The following MAP3K4 variants were observed in gnomAD, a reference collection of about 807,000 sequenced individuals.
MAP3K4 encodes MAP three kinase 1.
Under a neutral mutation model 185.6 loss-of-function variants are expected in MAP3K4, and 67 were observed. The ratio of observed to expected loss-of-function variants is 0.36; its 90% CI spans 0.30 to 0.44. The LOEUF (loss-of-function observed/expected upper bound fraction) is 0.44, where lower values mean the gene tolerates loss of function less well. Ranked by LOEUF, MAP3K4 falls within the 20% of genes least tolerant of loss-of-function variation. The pLI is 1.00. For synonymous variants in MAP3K4, 702 were observed against 710.4 expected (o/e 0.99, Z 0.19); for missense variants, 1,551 against 1,995.1 (o/e 0.78, Z 4.24).
intron 15 of MAP3K4, among the ~76,000 whole-genome samples, chr6:161,096,000 A>C (rs990175363): frequency 6.6e-6 from 1 of 151,922 alleles, no homozygotes; most frequent in African/African-American, 2.4e-5. Context: ...GACTCACCAA[A>C]TCTTTTGTTT....
Position 161,074,915 on chromosome 6 carries a change from GCA to G in MAP3K4, c.2097+1306_2097+1307del, listed in dbSNP as rs1049984776. On this transcript the variant is annotated intron_variant, in intron 5 of 26. Transcript: ENST00000392142. This position sits in a 1 kb window ranked among gnomAD's most constrained non-coding sequence, Gnocchi z 5.0. ...GGAGCTCTCCTGGCAACCCCACCCA[GCA>G]CATTTCCCCTGCCTTTTGTTGACCA... is the stretch of plus-strand genomic sequence containing the variant. 1.8e-4 allele frequency among the ~76,000 whole-genome samples: 27 copies of G among 152,242 alleles called. No homozygotes were observed. The highest frequency in any genetic ancestry group is 6.5e-4 in the African/African-American group (27 of 41,544).
In MAP3K4 at chr6:161,112,049, G is replaced by A; in HGVS notation, c.4519+91G>A. On this transcript the variant is annotated intron_variant, in intron 24 of 26. Transcript: ENST00000392142. This position sits in a 1 kb window ranked among gnomAD's most constrained non-coding sequence, Gnocchi z 5.1. ...CCCTTCACCTTTGTTTGTCAGTAGAGATGGGAGAGCAGGTAAAGGTTTTCA... is the reference window on the plus strand; with the variant it reads ...CCCTTCACCTTTGTTTGTCAGTAGAAATGGGAGAGCAGGTAAAGGTTTTCA... 3 of 1,522,124 alleles carry A rather than the reference G, an allele frequency of 2.0e-6. No individual in the cohort carries two copies. The highest frequency in any genetic ancestry group is 1.9e-5 in the Admixed American group (1 of 51,416). The allele number at this position is 1,522,124 out of a possible 1,614,324, so 94.3% of individuals were successfully genotyped here.
Position 161,034,633 on chromosome 6 carries a change from G to A in MAP3K4, c.343+184G>A, listed in dbSNP as rs1783079861. ...ATTGACACATAGTTTTCCAGAGATA[G>A]AAACGTTTGTCCTGAGTAATGGTTA... is the stretch of plus-strand genomic sequence containing the variant. On this transcript the variant is annotated intron_variant, in intron 2 of 26. Transcript: ENST00000392142. This position sits in a 1 kb window ranked among gnomAD's most constrained non-coding sequence, Gnocchi z 4.4. 6.6e-6 allele frequency among the ~76,000 whole-genome samples: 1 copy of A among 152,014 alleles called. No individual in the cohort carries two copies. Among genetic ancestry groups the A allele is most frequent in the African/African-American group, 2.4e-5 (1 of 41,378 alleles).
rs1239194342 is a variant in MAP3K4, at chr6:161,056,323, G to T, written c.1707+6344G>T. Among the ~76,000 whole-genome samples, 1 of 152,140 alleles carries T rather than the reference G, an allele frequency of 6.6e-6. No homozygotes were observed. Among genetic ancestry groups the T allele is most frequent in the Non-Finnish European group, 1.5e-5 (1 of 68,032 alleles). The stretch of plus-strand genomic sequence containing the variant: ...ATTGTATTTAGAAATGAAGATGTGG[G>T]CACTGGGTGTGTTCGGTGCTGTTGG... On this transcript the variant is annotated intron_variant, in intron 3 of 26. Coordinates refer to ENST00000392142, the MANE Select transcript of MAP3K4 (RefSeq NM_005922.4). This position sits in a 1 kb window ranked among gnomAD's most constrained non-coding sequence, Gnocchi z 5.4.
At chr6:161,020,672 A>G (rs898967295) in intron 1 of MAP3K4, among the ~76,000 whole-genome samples, 173 of 151,194 alleles carry the variant, frequency 1.1e-3, no homozygotes, top group African/African-American at 4.0e-3. Flanking sequence ...AAAAAAAAAA[A>G]AACAAGAAAG....
intron 1 of MAP3K4, among the ~76,000 whole-genome samples, chr6:161,033,099 G>A (rs576643665): frequency 6.6e-6 from 1 of 152,220 alleles, no homozygotes; most frequent in East Asian, 1.9e-4. Context: ...ACATTGTAGA[G>A]TAGCTTTTCT....
At chr6:161,092,632 G>A (rs78376106) in intron 13 of MAP3K4, among the ~76,000 whole-genome samples, 3,467 of 145,474 alleles carry the variant, frequency 0.024, 140 homozygotes, top group African/African-American at 0.093. Flanking sequence ...CTCCAAGTTA[G>A]AGAAAACACA....
chr6:161,081,097 A>T (rs1333395077), intron 6 of MAP3K4, 59 bp downstream of exon 6: 2 of 1,547,378 alleles, frequency 1.3e-6, no homozygotes, highest in African/African-American at 2.7e-5. Context: ...CACACCATTT[A>T]CTCACTGATT....
chr6:160,995,211 A>AT (rs1399144610), intron 1 of MAP3K4, among the ~76,000 whole-genome samples: 1 of 151,998 alleles, frequency 6.6e-6, no homozygotes, highest in Admixed American at 6.6e-5. Context: ...GATGTTGAGC[A>AT]TTTTTTCTTA....
At position 161,071,122 on chromosome 6, in the gene MAP3K4, A is replaced by T. The variant is rs527601488; in HGVS notation, c.1950+272A>T. Among the ~76,000 whole-genome samples the T allele has an allele frequency of 6.6e-6, 1 of 152,208 alleles. No individual in the cohort carries two copies. On this transcript the variant is annotated intron_variant, in intron 4 of 26. Coordinates refer to ENST00000392142, the MANE Select transcript of MAP3K4 (RefSeq NM_005922.4). This position sits in a 1 kb window ranked among gnomAD's most constrained non-coding sequence, Gnocchi z 4.6. ...TTCAGTCTTTGAAGACTAAAATTTA[A>T]AATTCATTCATAAGAGGTAGAGTAT...
Position 161,098,778 on chromosome 6 carries a change from A to C in MAP3K4, c.3674+351A>C, listed in dbSNP as rs1777701510. ...AGAGCCTGGAGTCACAAGGTGGTTA[A>C]AAGATGGCATCTAGTTAATGATCTG... On this transcript the variant is annotated intron_variant, in intron 17 of 26. Transcript: ENST00000392142. This position sits in a 1 kb window ranked among gnomAD's most constrained non-coding sequence, Gnocchi z 4.4. Among the ~76,000 whole-genome samples the C allele has an allele frequency of 6.6e-6, 1 of 152,230 alleles. No individual in the cohort carries two copies. Among genetic ancestry groups the C allele is most frequent in the African/African-American group, 2.4e-5 (1 of 41,462 alleles).
rs765587936 is a variant in MAP3K4, at chr6:161,048,270, T to C, written c.344-346T>C. 4 of 549,774 alleles carry C rather than the reference T, an allele frequency of 7.3e-6. No homozygotes were observed. The highest frequency in any genetic ancestry group is 1.5e-5 in the Non-Finnish European group (4 of 271,810). 34.1% of individuals were successfully genotyped at this position (549,774 alleles called of 1,614,324 possible). On this transcript the variant is annotated intron_variant, in intron 2 of 26. Coordinates refer to ENST00000392142, the MANE Select transcript of MAP3K4 (RefSeq NM_005922.4). The surrounding 1 kb of genome is among the most constrained non-coding windows in gnomAD (Gnocchi z 4.7). ...GGTGTCCGTCAGATCTCCCATGCTGTTTCTTCCTCCTTAAATTGAAGGTGA... is the reference window on the plus strand; with the variant it reads ...GGTGTCCGTCAGATCTCCCATGCTGCTTCTTCCTCCTTAAATTGAAGGTGA...
rs754130152 is a variant in MAP3K4 at position 161,100,856 on chromosome 6, C to G, written c.3675-1036C>G. On this transcript the variant is annotated intron_variant, in intron 17 of 26. Coordinates refer to ENST00000392142, the MANE Select transcript of MAP3K4 (RefSeq NM_005922.4). This position sits in a 1 kb window ranked among gnomAD's most constrained non-coding sequence, Gnocchi z 5.8. ...CAGTGGTTTTCCCGTCAGATAGTGC[C>G]GAATTTTTTATGAACTATATGGCAG... 6.6e-6 allele frequency among the ~76,000 whole-genome samples: 1 copy of G among 151,950 alleles called. No homozygotes were observed. Among genetic ancestry groups the G allele is most frequent in the Non-Finnish European group, 1.5e-5 (1 of 68,008 alleles).
At chr6:161,052,239 A>G (rs542942467) in intron 3 of MAP3K4, among the ~76,000 whole-genome samples, 1 of 132,024 alleles carries the variant, frequency 7.6e-6, no homozygotes, top group Non-Finnish European at 1.6e-5. Context: ...TGAGGATTGT[A>G]TCCCTTAGAT....
chr6:161,106,777 T>G lies in MAP3K4; in HGVS notation c.4048+72T>G, dbSNP rs1778093180. ...TAGCAATAGTTATACTTCTTTAGGT[T>G]GAATCCTATAGAGTTGGCCCTTTTT... On this transcript the variant is annotated intron_variant, in intron 20 of 26. Coordinates refer to ENST00000392142, the MANE Select transcript of MAP3K4 (RefSeq NM_005922.4). This position sits in a 1 kb window ranked among gnomAD's most constrained non-coding sequence, Gnocchi z 4.9. 2.3e-6 allele frequency: 3 copies of G among 1,317,686 alleles called. No homozygotes were observed. The highest frequency in any genetic ancestry group is 2.2e-5 in the Admixed American group (1 of 46,226). The allele number at this position is 1,317,686 out of a possible 1,614,324, so 81.6% of individuals were successfully genotyped here.
chr6:160,997,189 GGTGA>G (rs1445841765), intron 1 of MAP3K4, among the ~76,000 whole-genome samples: 1 of 151,776 alleles, frequency 6.6e-6, no homozygotes, highest in Non-Finnish European at 1.5e-5. Context: ...TTTTACTAAT[GGTGA>G]GTCTCAGAGG....
At chr6:161,011,135 T>C (rs1436163128) in intron 1 of MAP3K4, among the ~76,000 whole-genome samples, 1 of 152,210 alleles carries the variant, frequency 6.6e-6, no homozygotes, top group African/African-American at 2.4e-5. Flanking sequence ...CTGTGTTACT[T>C]CAAATGACAT....
In MAP3K4 at chr6:161,070,143, A is replaced by G. The variant is rs1784873835; in HGVS notation, c.1708-465A>G. On this transcript the variant is annotated intron_variant, in intron 3 of 26. Transcript: ENST00000392142. The surrounding 1 kb of genome is among the most constrained non-coding windows in gnomAD (Gnocchi z 4.5). Reference sequence around the variant, plus strand: ...ATGGACAGAAGAATTAGTGGAACTGATTAGTTTTTATGTTTTCATAAATGG... The same window carrying G: ...ATGGACAGAAGAATTAGTGGAACTGGTTAGTTTTTATGTTTTCATAAATGG... 6.6e-6 allele frequency among the ~76,000 whole-genome samples: 1 copy of G among 152,146 alleles called. No homozygotes were observed. The highest frequency in any genetic ancestry group is 2.1e-4 in the South Asian group (1 of 4,826).
At chr6:161,099,863 A>C (rs1219495767) in intron 17 of MAP3K4, among the ~76,000 whole-genome samples, 1 of 152,170 alleles carries the variant, frequency 6.6e-6, no homozygotes, top group Non-Finnish European at 1.5e-5. Flanking sequence ...TACCCTTTTC[A>C]TGGAGTTTAG....
Sources: allele counts gnomAD v4.1 joint callset (sites outside exome capture counted in the v4.1 genomes callset), GRCh38; gene constraint gnomAD v4.1.1; non-coding constraint Gnocchi (gnomAD v3.1); transcripts MANE v1.5; gene names NCBI Gene and HGNC (gene_info 2026-07-23, HGNC 2026-07-21).